Variants in CCDC85A observed in about 807,000 individuals in gnomAD.
CCDC85A encodes coiled-coil domain-containing protein 85A.
In CCDC85A, 38 loss-of-function variants were observed where a neutral mutation model predicts 50.2. The observed-to-expected ratio is 0.76, with a 90% CI of 0.58 to 0.99. CCDC85A has a LOEUF of 0.99. CCDC85A is among the 50% of genes least tolerant of loss of function. The pLI is 0.00. For missense variants in CCDC85A, 820 were observed against 742.0 expected, an observed-to-expected ratio of 1.11 and a Z score of -1.22; for synonymous variants, 366 against 301.4, an observed-to-expected ratio of 1.21 and a Z score of -2.22.
At chr2:56,365,692 A>G (rs952055655) in intron 3 of CCDC85A, among the ~76,000 whole-genome samples, 1 of 152,236 alleles carries the variant, frequency 6.6e-6, no homozygotes, top group Non-Finnish European at 1.5e-5. Context: ...GTTTTAAAGT[A>G]TTAGACATCG....
At chr2:56,356,035 A>T (rs1489632238) in intron 3 of CCDC85A, among the ~76,000 whole-genome samples, 1 of 152,202 alleles carries the variant, frequency 6.6e-6, no homozygotes, top group Non-Finnish European at 1.5e-5. Flanking sequence ...AAGGGGGATA[A>T]TTTTTTTAAT....
At chr2:56,280,514 C>T (rs1049999016) in intron 2 of CCDC85A, among the ~76,000 whole-genome samples, 1 of 152,100 alleles carries the variant, frequency 6.6e-6, no homozygotes, top group Non-Finnish European at 1.5e-5. Flanking sequence ...CCAAACTTCA[C>T]GTTAATTCCT....
chr2:56,240,951 C>T (rs1669229978), intron 2 of CCDC85A, among the ~76,000 whole-genome samples: 1 of 152,114 alleles, frequency 6.6e-6, no homozygotes, highest in African/African-American at 2.4e-5. Flanking sequence ...AACTGACAAG[C>T]TTTTCCAAAT....
chr2:56,313,662 G>A (rs1235374759), intron 2 of CCDC85A, among the ~76,000 whole-genome samples: 1 of 152,138 alleles, frequency 6.6e-6, no homozygotes, highest in Non-Finnish European at 1.5e-5. Flanking sequence ...TTGGGGAATT[G>A]CCTATGGACT....
At chr2:56,212,080 C>T (rs1015102731) in intron 2 of CCDC85A, among the ~76,000 whole-genome samples, 3 of 152,178 alleles carry the variant, frequency 2.0e-5, no homozygotes, top group Non-Finnish European at 2.9e-5. Context: ...CTAACACACT[C>T]ACACCCCAAG....
At chr2:56,199,860 G>A (rs1676660832) in intron 2 of CCDC85A, among the ~76,000 whole-genome samples, 1 of 152,074 alleles carries the variant, frequency 6.6e-6, no homozygotes. Flanking sequence ...TCAAGGTTCA[G>A]TTTTGCTTTT....
At chr2:56,384,194 A>G in intron 5 of CCDC85A, 72 bp from the exon 6 acceptor site, 4 of 1,327,828 alleles carry the variant, frequency 3.0e-6, no homozygotes, top group South Asian at 1.2e-5. Flanking sequence ...CTCTTAATTT[A>G]CCCTTAAGAA....
chr2:56,215,036 A>G (rs1411775084), intron 2 of CCDC85A, among the ~76,000 whole-genome samples: 2 of 151,930 alleles, frequency 1.3e-5, no homozygotes, highest in African/African-American at 4.8e-5. Flanking sequence ...TATTTAGGTC[A>G]TCTTTGATTT....
At chr2:56,198,672 G>T (rs1410280793) in intron 2 of CCDC85A, among the ~76,000 whole-genome samples, 1 of 152,186 alleles carries the variant, frequency 6.6e-6, no homozygotes, top group Non-Finnish European at 1.5e-5. Context: ...AGATGGCTTA[G>T]AAAGGTATTT....
intron 2 of CCDC85A, among the ~76,000 whole-genome samples, chr2:56,223,380 T>A (rs6719608): frequency 6.6e-6 from 1 of 152,034 alleles, no homozygotes; most frequent in African/African-American, 2.4e-5. Flanking sequence ...GAATGTGCAT[T>A]ACTTGTTCCA....
At chr2:56,298,034 T>G (rs1573203089) in intron 2 of CCDC85A, among the ~76,000 whole-genome samples, 1 of 152,294 alleles carries the variant, frequency 6.6e-6, no homozygotes, top group East Asian at 1.9e-4. Flanking sequence ...CAGAAGAGAT[T>G]TATAAGGTCA....
At chr2:56,212,792 G>A (rs762457681) in intron 2 of CCDC85A, among the ~76,000 whole-genome samples, 6 of 151,926 alleles carry the variant, frequency 3.9e-5, no homozygotes, top group South Asian at 2.1e-4. Flanking sequence ...TTGGAGCCAC[G>A]CACACCCTGT....
intron 2 of CCDC85A, among the ~76,000 whole-genome samples, chr2:56,276,206 C>A (rs942963121): frequency 1.3e-5 from 2 of 151,964 alleles, no homozygotes; most frequent in South Asian, 4.2e-4. Context: ...AAATTATTCC[C>A]AGGAATATGG....
In CCDC85A at chr2:56,254,387, C is replaced by G. The variant is rs141507142; in HGVS notation, c.1240+60947C>G. Among the ~76,000 whole-genome samples the G allele has an allele frequency of 4.4e-3, 666 of 152,068 alleles. 3 individuals are homozygous for G. Among genetic ancestry groups the G allele is most frequent in the Non-Finnish European group, 7.0e-3 (478 of 67,996 alleles). Reference sequence around the variant, plus strand: ...CAAGGATAAAAATGTGGACCCCATCCTGAAACAATTAAATAGAGATACGAC... The same window carrying G: ...CAAGGATAAAAATGTGGACCCCATCGTGAAACAATTAAATAGAGATACGAC... On this transcript the variant is annotated intron_variant, in intron 2 of 5. Transcript: ENST00000407595.
At position 56,184,575 on chromosome 2, in the gene CCDC85A, G is replaced by A. The variant is rs965339174; in HGVS notation, c.-50G>A. On this transcript the variant is annotated 5_prime_UTR_variant, in exon 1 of 6. Coordinates refer to ENST00000407595, the MANE Select transcript of CCDC85A (RefSeq NM_001080433.2). ...GGCCTCGCCGCGCCCGCGCCTTCGG[G>A]AGTCGCCTCGCCTCTTCCACCCACT... 2.9e-6 allele frequency: 4 copies of A among 1,365,718 alleles called. No homozygotes were observed. Among genetic ancestry groups the A allele is most frequent in the South Asian group, 3.5e-5 (2 of 57,178 alleles). 84.6% of individuals were successfully genotyped at this position (1,365,718 alleles called of 1,614,324 possible).
At chr2:56,365,625 A>C (rs376664266) in intron 3 of CCDC85A, among the ~76,000 whole-genome samples, 1 of 152,202 alleles carries the variant, frequency 6.6e-6, no homozygotes, top group East Asian at 1.9e-4. Flanking sequence ...AGTATCTTTA[A>C]AAAAACTTTT....
intron 3 of CCDC85A, among the ~76,000 whole-genome samples, chr2:56,371,387 C>A (rs919665927): frequency 5.3e-5 from 8 of 151,736 alleles, no homozygotes; most frequent in African/African-American, 1.9e-4. Flanking sequence ...CCGCTAACTT[C>A]AAAAAAAATG....
At chr2:56,356,144 T>G (rs1175994842) in intron 3 of CCDC85A, among the ~76,000 whole-genome samples, 2 of 152,246 alleles carry the variant, frequency 1.3e-5, no homozygotes, top group African/African-American at 4.8e-5. Context: ...ATCTAACCAG[T>G]AAATTTGATC....
chr2:56,304,911 A>C (rs1672367738), intron 2 of CCDC85A, among the ~76,000 whole-genome samples: 2 of 145,654 alleles, frequency 1.4e-5, no homozygotes, highest in African/African-American at 5.3e-5. Flanking sequence ...AAAACAAAAA[A>C]CAAAAAACAA....
Sources: gnomAD v4.1 joint callset for allele counts (sites outside exome capture counted in the v4.1 genomes callset) on GRCh38, gnomAD v4.1.1 for gene constraint, MANE v1.5 for transcripts, NCBI Gene and HGNC (gene_info 2026-07-23, HGNC 2026-07-21) for gene names.